Variants in ROBO1 observed in about 807,000 individuals in gnomAD.
ROBO1 encodes roundabout homolog 1.
A neutral mutation model predicts 195.9 loss-of-function variants in ROBO1; 149 were observed. That is an observed-to-expected ratio of 0.76 (90% CI 0.67 to 0.87). The LOEUF is 0.87. Among genes scored for constraint, ROBO1 ranks in the 40% least tolerant of loss-of-function variants. ROBO1 has a pLI of 0.00. For missense variants in ROBO1, 1,933 were observed against 2,068.3 expected (o/e 0.93, Z 1.27); for synonymous variants, 816 against 733.2 (o/e 1.11, Z -1.82).
rs1402174197 is a variant in ROBO1, at chr3:78,677,752, T to A, written c.1343-7451A>T. Among the ~76,000 whole-genome samples the A allele has an allele frequency of 3.9e-5, 6 of 152,206 alleles. No homozygotes were observed. In the East Asian group the frequency reaches 1.2e-3, roughly 29 times the overall value. ...CGACTTTAACACCCCACTGTCAACA[T>A]TAGACAGATCGACAAGACAGAAAGT... On this transcript the variant is annotated intron_variant, in intron 10 of 30. Transcript: ENST00000464233.
Position 79,302,970 on chromosome 3 carries a change from C to T in ROBO1, c.89-177431G>A, listed in dbSNP as rs148005920. ...TTACAAAGAATATTGTCCTATTTTGCTGAGTGTTAATGAAACTAACCAAGA... is the reference window on the plus strand; with the variant it reads ...TTACAAAGAATATTGTCCTATTTTGTTGAGTGTTAATGAAACTAACCAAGA... On this transcript the variant is annotated intron_variant, in intron 2 of 30. Coordinates refer to ENST00000464233, the MANE Select transcript of ROBO1 (RefSeq NM_002941.4). 4.7e-4 allele frequency among the ~76,000 whole-genome samples: 71 copies of T among 152,102 alleles called. No homozygotes were observed. The East Asian group carries it at 0.013, about 29-fold the overall frequency.
chr3:79,510,869 C>T (rs1940668554), intron 2 of ROBO1, among the ~76,000 whole-genome samples: 1 of 152,110 alleles, frequency 6.6e-6, no homozygotes, highest in Non-Finnish European at 1.5e-5. Flanking sequence ...CATGTATTTA[C>T]TTTGGAATTA....
intron 26 of ROBO1, among the ~76,000 whole-genome samples, chr3:78,624,710 A>G (rs1310797591): frequency 6.6e-6 from 1 of 152,138 alleles, no homozygotes; most frequent in Admixed American, 6.6e-5. Context: ...TAAATAGGAA[A>G]ACAGAGATAC....
At chr3:79,146,464 T>C (rs1313473817) in intron 2 of ROBO1, among the ~76,000 whole-genome samples, 7 of 152,036 alleles carry the variant, frequency 4.6e-5, no homozygotes, top group Non-Finnish European at 8.8e-5. Flanking sequence ...AAATATAGTG[T>C]GACAGATATA....
intron 11 of ROBO1, among the ~76,000 whole-genome samples, chr3:78,669,230 T>C (rs927322961): frequency 5.3e-5 from 8 of 152,236 alleles, no homozygotes; most frequent in African/African-American, 1.9e-4. Context: ...CTACTTCTGC[T>C]CAAGCTAATA....
rs76072634 is a variant in ROBO1 at position 78,824,666 on chromosome 3, G to T, written c.500-77766C>A. On this transcript the variant is annotated intron_variant, in intron 4 of 30. Coordinates refer to ENST00000464233, the MANE Select transcript of ROBO1 (RefSeq NM_002941.4). Reference sequence around the variant, plus strand: ...TTAACTGTGTAAAAAATAACTTTGGGCAAATTATTTAGAATCTATAAAAGA... The same window carrying T: ...TTAACTGTGTAAAAAATAACTTTGGTCAAATTATTTAGAATCTATAAAAGA... 3.9e-5 allele frequency among the ~76,000 whole-genome samples: 6 copies of T among 152,116 alleles called. No individual in the cohort carries two copies. In the East Asian group the frequency reaches 1.2e-3, roughly 29 times the overall value.
At chr3:78,682,287 A>AAT (rs1039086337) in intron 10 of ROBO1, among the ~76,000 whole-genome samples, 3 of 151,718 alleles carry the variant, frequency 2.0e-5, no homozygotes, top group South Asian at 2.1e-4. Context: ...TAAAACTTGA[A>AAT]ATATATATAT....
chr3:79,545,853 G>C (rs989970531), intron 2 of ROBO1, among the ~76,000 whole-genome samples: 1 of 152,100 alleles, frequency 6.6e-6, no homozygotes, highest in African/African-American at 2.4e-5. Context: ...GGCCCAGGAG[G>C]GTTTAGAGTT....
intron 3 of ROBO1, among the ~76,000 whole-genome samples, chr3:78,998,700 C>G (rs1347532466): frequency 6.6e-6 from 1 of 151,864 alleles, no homozygotes; most frequent in Non-Finnish European, 1.5e-5. Context: ...ATTCTACTAT[C>G]CAAAAACTGT....
intron 8 of ROBO1, among the ~76,000 whole-genome samples, chr3:78,711,485 C>CTCTT (rs1254793869): frequency 4.2e-5 from 6 of 141,818 alleles, no homozygotes; most frequent in African/African-American, 1.6e-4. Context: ...TTCTCTCTCT[C>CTCTT]TCTTTCTTTC....
chr3:79,316,973 T>G (rs1247296314), intron 2 of ROBO1, among the ~76,000 whole-genome samples: 1 of 152,166 alleles, frequency 6.6e-6, no homozygotes, highest in Non-Finnish European at 1.5e-5. Flanking sequence ...TCATTGCATG[T>G]TGCAAAACCA....
intron 2 of ROBO1, among the ~76,000 whole-genome samples, chr3:79,208,724 C>A (rs1173110224): frequency 7.1e-6 from 1 of 141,300 alleles, no homozygotes; most frequent in Non-Finnish European, 1.5e-5. Flanking sequence ...TGTGTGTGCG[C>A]CTGCATGCAT....
At chr3:79,481,942 G>A (rs1298396502) in intron 2 of ROBO1, among the ~76,000 whole-genome samples, 1 of 152,088 alleles carries the variant, frequency 6.6e-6, no homozygotes, top group African/African-American at 2.4e-5. Context: ...ACTCTTAAGT[G>A]AATTTAACAT....
intron 1 of ROBO1, among the ~76,000 whole-genome samples, chr3:79,628,698 A>C (rs1408265944): frequency 1.3e-5 from 2 of 152,160 alleles, no homozygotes; most frequent in African/African-American, 4.8e-5. Flanking sequence ...TAAAAGATAT[A>C]AACTGGCCAA....
At chr3:79,328,797 C>G (rs1020635940) in intron 2 of ROBO1, among the ~76,000 whole-genome samples, 6 of 151,948 alleles carry the variant, frequency 3.9e-5, no homozygotes, top group South Asian at 2.1e-4. Flanking sequence ...CCCGTCACCC[C>G]CCTCCCATCT....
intron 2 of ROBO1, among the ~76,000 whole-genome samples, chr3:79,470,908 T>C (rs1285904327): frequency 2.0e-5 from 3 of 152,156 alleles, no homozygotes; most frequent in Non-Finnish European, 4.4e-5. Flanking sequence ...ATACAGTAAA[T>C]ATTTTTAAAA....
At chr3:79,172,728 A>G (rs550187555) in intron 2 of ROBO1, among the ~76,000 whole-genome samples, 8 of 151,448 alleles carry the variant, frequency 5.3e-5, no homozygotes, top group African/African-American at 1.9e-4. Flanking sequence ...GCACTGCATT[A>G]TTGACTAAAC....
chr3:79,045,340 A>T (rs2078571314), intron 3 of ROBO1, among the ~76,000 whole-genome samples: 3 of 152,076 alleles, frequency 2.0e-5, no homozygotes, highest in Admixed American at 2.0e-4. Flanking sequence ...AGTTTTTCTT[A>T]AAAAAGCTAG....
intron 5 of ROBO1, among the ~76,000 whole-genome samples, chr3:78,739,525 T>C (rs968184848): frequency 2.6e-5 from 4 of 152,152 alleles, no homozygotes; most frequent in Non-Finnish European, 5.9e-5. Context: ...TAAATCCTTC[T>C]TTTCCTAAGT....
Sources: allele counts gnomAD v4.1 joint callset (sites outside exome capture counted in the v4.1 genomes callset), GRCh38; gene constraint gnomAD v4.1.1; transcripts MANE v1.5; gene names NCBI Gene and HGNC (gene_info 2026-07-23, HGNC 2026-07-21).